Variants in HPSE2 observed in about 807,000 individuals in gnomAD.
HPSE2 encodes the protein heparanase 2 (inactive).
Under a neutral mutation model 60.5 loss-of-function variants are expected in HPSE2, and 38 were observed. The ratio of observed to expected loss-of-function variants is 0.63; its 90% confidence interval spans 0.48 to 0.82. The LOEUF (loss-of-function observed/expected upper bound fraction) is 0.82. Among genes scored for constraint, HPSE2 ranks in the 40% least tolerant of loss-of-function variants. The pLI is 0.00. For missense variants in HPSE2, 713 were observed against 740.4 expected, an observed-to-expected ratio of 0.96 and a Z score of 0.43; for synonymous variants, 295 against 293.2, an observed-to-expected ratio of 1.01 and a Z score of -0.06.
chr10:99,219,628 C>T (rs548783157), intron 2 of HPSE2, among the ~76,000 whole-genome samples: 2 of 152,292 alleles, frequency 1.3e-5, no homozygotes, highest in South Asian at 4.1e-4. Context: ...CTAATCCCAG[C>T]TCTTCTACGT....
intron 3 of HPSE2, among the ~76,000 whole-genome samples, chr10:99,025,326 C>A (rs1397759942): frequency 6.6e-6 from 1 of 152,094 alleles, no homozygotes; most frequent in African/African-American, 2.4e-5. Context: ...AACTATCATT[C>A]AATCCAGCAA....
At chr10:99,258,904 G>C in the HPSE2 span, among the ~76,000 whole-genome samples, 1 of 152,088 alleles carries the variant, frequency 6.6e-6, no homozygotes, top group Admixed American at 6.5e-5. Context: ...TAAAACTATA[G>C]AGCTTTTTGA....
chr10:98,895,931 G>C (rs1289853750), intron 3 of HPSE2, among the ~76,000 whole-genome samples: 7 of 105,594 alleles, frequency 6.6e-5, no homozygotes, highest in Admixed American at 4.1e-4. Context: ...TCTGGGGACT[G>C]TTGTGGGGTG....
rs529528528 is a variant in HPSE2, at chr10:99,057,948, T to A, written c.610+86290A>T. On this transcript the variant is annotated intron_variant, in intron 3 of 11. Transcript: ENST00000370552. ...AAAACAGATGTCTTCCAATTTTCCT[T>A]CGCAAAACCATATTTTATATTGGGT... is the stretch of plus-strand genomic sequence containing the variant. Among the ~76,000 whole-genome samples the A allele has an allele frequency of 3.3e-3, 506 of 152,276 alleles. 2 individuals are homozygous for A. Among genetic ancestry groups the A allele is most frequent in the Non-Finnish European group, 4.6e-3 (314 of 68,028 alleles).
chr10:99,246,621 C>T, the HPSE2 span, among the ~76,000 whole-genome samples: 3 of 152,040 alleles, frequency 2.0e-5, no homozygotes, highest in Non-Finnish European at 2.9e-5. Flanking sequence ...GTGGAGCGTA[C>T]CTTTAGTCCC....
chr10:98,489,985 G>A, intron 10 of HPSE2, 66 bp downstream of exon 10: 2 of 1,585,924 alleles, frequency 1.3e-6, no homozygotes, highest in Admixed American at 1.7e-5. Context: ...AGTCTTGAAG[G>A]GGTCCCAAAT....
At chr10:98,902,748 AT>A (rs1411505648) in intron 3 of HPSE2, among the ~76,000 whole-genome samples, 6 of 152,152 alleles carry the variant, frequency 3.9e-5, no homozygotes, top group Non-Finnish European at 7.4e-5. Flanking sequence ...CAAATAATAA[AT>A]TTTAGTTAAT....
chr10:98,502,565 A>C (rs1942062790), intron 9 of HPSE2, among the ~76,000 whole-genome samples: 2 of 152,254 alleles, frequency 1.3e-5, no homozygotes, highest in South Asian at 4.1e-4. Flanking sequence ...TGGATTAAGA[A>C]CTTAAATCTA....
chr10:98,815,418 T>G (rs1032120740), intron 3 of HPSE2, among the ~76,000 whole-genome samples: 2 of 152,198 alleles, frequency 1.3e-5, no homozygotes, highest in African/African-American at 4.8e-5. Flanking sequence ...CTGATTCACA[T>G]GCAAAACAGA....
intron 3 of HPSE2, among the ~76,000 whole-genome samples, chr10:98,887,439 C>A (rs1469056803): frequency 6.6e-6 from 1 of 152,070 alleles, no homozygotes; most frequent in Non-Finnish European, 1.5e-5. Context: ...GTTTTAAAAA[C>A]GTGAACCATG....
At chr10:99,029,865 G>A (rs574668480) in intron 3 of HPSE2, among the ~76,000 whole-genome samples, 3 of 152,228 alleles carry the variant, frequency 2.0e-5, no homozygotes, top group African/African-American at 4.8e-5. Context: ...AAACTCCCCC[G>A]GGGGAAAAGG....
At chr10:98,851,644 T>C (rs1952176403) in intron 3 of HPSE2, among the ~76,000 whole-genome samples, 1 of 152,154 alleles carries the variant, frequency 6.6e-6, no homozygotes, top group Admixed American at 6.5e-5. Context: ...CTTAAAAAAT[T>C]CCCTAATCCA....
intron 3 of HPSE2, among the ~76,000 whole-genome samples, chr10:98,987,314 C>A (rs1480449726): frequency 6.6e-6 from 1 of 152,154 alleles, no homozygotes; most frequent in East Asian, 1.9e-4. Flanking sequence ...AAGTGGGCTT[C>A]ATCCCTGGGA....
At chr10:98,906,224 T>C (rs1953812472) in intron 3 of HPSE2, among the ~76,000 whole-genome samples, 1 of 152,218 alleles carries the variant, frequency 6.6e-6, no homozygotes, top group South Asian at 2.1e-4. Context: ...GTGTTGATTC[T>C]GAAGAACAAT....
chr10:98,609,839 C>CTTTTTTT (rs34422929), intron 9 of HPSE2, among the ~76,000 whole-genome samples: 5 of 126,166 alleles, frequency 4.0e-5, no homozygotes, highest in Admixed American at 8.0e-5. Context: ...TCTTCTTCTT[C>CTTTTTTT]TTTTTTTTTT....
rs567176331 is a variant in HPSE2 at position 98,573,450 on chromosome 10, C to T, written c.1320+41454G>A. Among the ~76,000 whole-genome samples the T allele has an allele frequency of 2.8e-5, 3 of 105,922 alleles. No homozygotes were observed. The East Asian group carries it at 1.0e-3, about 36-fold the overall frequency. 69.5% of individuals were successfully genotyped at this position (105,922 alleles called of 152,430 possible). A position where few individuals can be genotyped will look rare whatever the true frequency, so the allele number is the denominator to read the frequency against. On this transcript the variant is annotated intron_variant, in intron 9 of 11. Transcript: ENST00000370552. ...TTACCATGAGGCAACTGAAGAGGGA[C>T]TCTGTGGAGAGCCCACTCTGGGGAG...
At chr10:98,601,007 G>A (rs1444600748) in intron 9 of HPSE2, among the ~76,000 whole-genome samples, 5 of 148,420 alleles carry the variant, frequency 3.4e-5, no homozygotes, top group Admixed American at 1.4e-4. Flanking sequence ...TAAGTAACTG[G>A]CTCAGGTAAT....
At chr10:98,825,613 G>A (rs1284595281) in intron 3 of HPSE2, among the ~76,000 whole-genome samples, 2 of 151,334 alleles carry the variant, frequency 1.3e-5, no homozygotes, top group African/African-American at 2.4e-5. Context: ...CCGGGGTTGG[G>A]GGGGCGGGGG....
intron 6 of HPSE2, among the ~76,000 whole-genome samples, chr10:98,690,501 T>C (rs1764353): frequency 6.6e-6 from 1 of 151,848 alleles, no homozygotes; most frequent in South Asian, 2.1e-4. Flanking sequence ...GATCGTGCCA[T>C]TGCACTCCAG....
Sources: gnomAD v4.1 joint callset for allele counts (sites outside exome capture counted in the v4.1 genomes callset) on GRCh38, gnomAD v4.1.1 for gene constraint, MANE v1.5 for transcripts, NCBI Gene and HGNC (gene_info 2026-07-23, HGNC 2026-07-21) for gene names.